The following PLS3 variants were observed in gnomAD, a reference collection of about 807,000 sequenced individuals.
PLS3 encodes the protein plastin 3, also known as plastin-3.
Under a neutral mutation model 46.5 loss-of-function variants are expected in PLS3, and 11 were observed. The observed-to-expected ratio is 0.24, with a 90% CI of 0.15 to 0.39. The LOEUF (loss-of-function observed/expected upper bound fraction) is 0.39. Ranked by LOEUF, PLS3 falls within the 10% of genes least tolerant of loss-of-function variation. PLS3 has a pLI of 1.00. For synonymous variants in PLS3, 167 were observed against 162.2 expected, an observed-to-expected ratio of 1.03 and a Z score of -0.22; for missense variants, 308 against 461.8, an observed-to-expected ratio of 0.67 and a Z score of 3.05.
At chrX:115,611,649 G>A (rs1312325479) in intron 2 of PLS3, among the ~76,000 whole-genome samples, 1 of 111,869 alleles carries the variant, frequency 8.9e-6, no homozygotes, top group Non-Finnish European at 1.9e-5. Flanking sequence ...ATCTCCTCAA[G>A]TAAATGCTGA....
At chrX:115,648,192 G>C (rs1556642019) in intron 15 of PLS3, among the ~76,000 whole-genome samples, 175 bp downstream of exon 15, 1 of 111,607 alleles carries the variant, frequency 9.0e-6, no homozygotes, top group Non-Finnish European at 1.9e-5. Context: ...ATTTTATAAA[G>C]ATTAAATTTT....
rs782018692 is a variant in PLS3, at chrX:115,611,347, G to A, written c.73+1024G>A. ...CTGAATCTAACATGATCGCGCGCAC[G>A]CGCGTGTGTGTGTGTGTATAAAAAT... On this transcript the variant is annotated intron_variant, in intron 2 of 15. Transcript: ENST00000355899. 4.5e-5 allele frequency among the ~76,000 whole-genome samples: 5 copies of A among 111,382 alleles called. No homozygotes were observed. In the East Asian group the frequency reaches 1.1e-3, roughly 25 times the overall value.
intron 15 of PLS3, among the ~76,000 whole-genome samples, chrX:115,649,143 A>G (rs1437867381): frequency 8.9e-6 from 1 of 111,748 alleles, no homozygotes; most frequent in African/African-American, 3.3e-5. Context: ...AGGTAATTAT[A>G]TATATAAAGT....
Position 115,618,187 on chromosome X carries a change from C to G in PLS3, c.74-4059C>G, listed in dbSNP as rs782389683. The stretch of plus-strand genomic sequence containing the variant: ...ATAGCTTTGAATCCACTGTAGTTCT[C>G]CCACATCTAATTTAAAACATCTCTA... On this transcript the variant is annotated intron_variant, in intron 2 of 15. Coordinates refer to ENST00000355899, the MANE Select transcript of PLS3 (RefSeq NM_005032.7). Among the ~76,000 whole-genome samples the G allele has an allele frequency of 8.9e-5, 10 of 112,107 alleles. No individual in the cohort carries two copies. In the South Asian group the frequency reaches 1.5e-3, roughly 17 times the overall value.
chrX:115,586,391 C>T (rs193082110), intron 1 of PLS3, among the ~76,000 whole-genome samples: 215 of 106,170 alleles, frequency 2.0e-3, no homozygotes, highest in African/African-American at 7.1e-3. Flanking sequence ...TCTAAACAGG[C>T]CGGGCGCTGT....
At chrX:115,630,008 A>T (rs1556639042) in intron 5 of PLS3, 41 bp downstream of exon 5, 1 of 1,008,115 alleles carries the variant, frequency 9.9e-7, no homozygotes, top group Admixed American at 2.8e-5. Context: ...ATCCAAAAAT[A>T]GCCTTCCATA....
intron 13 of PLS3, 97 bp from the exon 14 acceptor site, chrX:115,647,453 T>A: frequency 1.1e-6 from 1 of 874,134 alleles, no homozygotes; most frequent in Non-Finnish European, 1.6e-6. Flanking sequence ...AAGAAAAATT[T>A]AAGAAATATA....
chrX:115,636,074 G>A (rs1473941045), intron 7 of PLS3, among the ~76,000 whole-genome samples: 1 of 111,205 alleles, frequency 9.0e-6, no homozygotes, highest in African/African-American at 3.3e-5. Flanking sequence ...TGTTAAAATA[G>A]GATTGAGCCT....
At chrX:115,592,759 A>T (rs1055633518) in intron 1 of PLS3, among the ~76,000 whole-genome samples, 1 of 111,770 alleles carries the variant, frequency 8.9e-6, no homozygotes, top group African/African-American at 3.2e-5. Flanking sequence ...ACAACCATGT[A>T]TAAAATAGTG....
At position 115,588,841 on chromosome X, in the gene PLS3, T is replaced by A. The variant is rs182679439; in HGVS notation, c.-8-21402T>A. On this transcript the variant is annotated intron_variant, in intron 1 of 15. Transcript: ENST00000355899. ...TTGTATGTTTTTATTAGCTACGAAC[T>A]GAACATGTATGTCTTTTAAATTCAT... is the stretch of plus-strand genomic sequence containing the variant. 7.0e-3 allele frequency among the ~76,000 whole-genome samples: 785 copies of A among 112,047 alleles called. 4 individuals carry two copies. The highest frequency in any genetic ancestry group is 0.013 in the Admixed American group (132 of 10,498).
chrX:115,575,856 C>G (rs1212057509), intron 1 of PLS3, among the ~76,000 whole-genome samples: 1 of 111,835 alleles, frequency 8.9e-6, no homozygotes, highest in Non-Finnish European at 1.9e-5. Context: ...AATAGAAAGC[C>G]TGTAAATGCT....
intron 5 of PLS3, among the ~76,000 whole-genome samples, chrX:115,633,228 T>C (rs1349923872): frequency 9.1e-6 from 1 of 109,571 alleles, no homozygotes; most frequent in Non-Finnish European, 1.9e-5. Flanking sequence ...TGAAGTGCAG[T>C]GGCATGATCT....
chrX:115,648,869 TG>T (rs782044542), intron 15 of PLS3, among the ~76,000 whole-genome samples: 1 of 111,946 alleles, frequency 8.9e-6, no homozygotes, highest in South Asian at 3.8e-4. Flanking sequence ...TTAGTTGAGA[TG>T]TGTTCCTGAA....
In PLS3 at chrX:115,622,246, A is replaced by G; in HGVS notation, c.74A>G (p.Asp25Gly). 2 of 1,194,338 alleles carry G rather than the reference A, an allele frequency of 1.7e-6. No individual in the cohort carries two copies. The highest frequency in any genetic ancestry group is 2.3e-6 in the Non-Finnish European group (2 of 888,098). Residue 25 changes from aspartate (D) to glycine (G), a missense_variant and splice_region_variant, in exon 3 of 16, where the codon GAT becomes GGT. This residue lies in a region of PLS3 where 37 missense variants were observed against 26.1 expected (regional missense o/e 1.42). Transcript: ENST00000355899. Reference sequence around the variant, plus strand: ...TTGCTTGCTCTCCTTTTTTACAAAGATCTCAACAGCAACGGATTCATTTGT... The same window carrying G: ...TTGCTTGCTCTCCTTTTTTACAAAGGTCTCAACAGCAACGGATTCATTTGT... ...DELKEAFAKV[D>G]LNSNGFICDY...
Position 115,584,309 on chromosome X carries a change from A to G in PLS3, c.-9+23049A>G, listed in dbSNP as rs1392578492. Reference sequence around the variant, plus strand: ...TACTGTATGCCAGGCACTGTTCTATAAGCTGAAAATAGATTGCTGGACAAA... The same window carrying G: ...TACTGTATGCCAGGCACTGTTCTATGAGCTGAAAATAGATTGCTGGACAAA... On this transcript the variant is annotated intron_variant, in intron 1 of 15. Transcript: ENST00000355899. 2.0e-4 allele frequency among the ~76,000 whole-genome samples: 22 copies of G among 111,934 alleles called. No individual in the cohort carries two copies. In the Admixed American group the frequency reaches 2.1e-3, roughly 11 times the overall value.
At chrX:115,619,840 G>C (rs1002975074) in intron 2 of PLS3, among the ~76,000 whole-genome samples, 5 of 112,103 alleles carry the variant, frequency 4.5e-5, no homozygotes, top group Non-Finnish European at 9.4e-5. Flanking sequence ...TGCCACTCCA[G>C]CTTGGGCAAG....
rs143669726 is a variant in PLS3 at position 115,570,268 on chromosome X, G to A, written c.-9+9008G>A. ...CCATTTTATATCTCTGTGGCATTGA[G>A]GAGGTTTCTTAACTCTCTGAACCTC... is the stretch of plus-strand genomic sequence containing the variant. On this transcript the variant is annotated intron_variant, in intron 1 of 15. Coordinates refer to ENST00000355899, the MANE Select transcript of PLS3 (RefSeq NM_005032.7). Among the ~76,000 whole-genome samples the A allele has an allele frequency of 4.5e-3, 502 of 110,538 alleles. 2 individuals are homozygous for A. The highest frequency in any genetic ancestry group is 0.015 in the African/African-American group (470 of 30,403).
chrX:115,563,465 A>C (rs2074152938), intron 1 of PLS3, among the ~76,000 whole-genome samples: 1 of 111,181 alleles, frequency 9.0e-6, no homozygotes, highest in Non-Finnish European at 1.9e-5. Flanking sequence ...AAAACGTGGC[A>C]ATTTGGCTAT....
chrX:115,567,425 T>C (rs2074183014), intron 1 of PLS3, among the ~76,000 whole-genome samples: 1 of 109,997 alleles, frequency 9.1e-6, no homozygotes, highest in Non-Finnish European at 1.9e-5. Context: ...ACCCCGTCTC[T>C]ACTAAAATAC....
Sources: gnomAD v4.1 joint callset for allele counts (sites outside exome capture counted in the v4.1 genomes callset) on GRCh38, gnomAD v4.1.1 for gene constraint, gnomAD v4.1.1 regional missense constraint, MANE v1.5 for transcripts, NCBI Gene and HGNC (gene_info 2026-07-23, HGNC 2026-07-21) for gene names.